FEZ2: variants seen among roughly 807,000 people sequenced by gnomAD.
The protein encoded by FEZ2 is fasciculation and elongation protein zeta 2, also known as fasciculation and elongation protein zeta-2.
In FEZ2, 51 loss-of-function variants were observed where a neutral mutation model predicts 40.4. The observed-to-expected ratio is 1.26, with a 90% confidence interval of 1.01 to 1.59. The LOEUF is 1.59. Ranked by LOEUF, FEZ2 falls within the 40% of genes most tolerant of loss-of-function variation. The probability of loss-of-function intolerance (pLI) is 0.00; values close to 1 mark genes in which losing one functional copy is unlikely to be tolerated. For missense variants in FEZ2, 640 were observed against 438.3 expected (o/e 1.46, Z -4.11); for synonymous variants, 242 against 172.0 (o/e 1.41, Z -3.18).
intron 1 of FEZ2, 60 bp from the exon 2 acceptor site, chr2:36,591,071 A>G: frequency 2.0e-6 from 2 of 1,012,628 alleles, no homozygotes; most frequent in Non-Finnish European, 3.1e-6. Flanking sequence ...TTTCTTAAAC[A>G]AATATTCAGT....
At chr2:36,586,779 G>A (rs1419306923) in intron 2 of FEZ2, among the ~76,000 whole-genome samples, 1 of 152,098 alleles carries the variant, frequency 6.6e-6, no homozygotes, top group East Asian at 1.9e-4. Context: ...CGTCTCTACA[G>A]AAATATATTT....
At chr2:36,587,249 G>A (rs1463914101) in intron 2 of FEZ2, among the ~76,000 whole-genome samples, 5 of 152,148 alleles carry the variant, frequency 3.3e-5, no homozygotes, top group African/African-American at 9.7e-5. Context: ...TTTCCAGAGA[G>A]AGAGCCAAGT....
At chr2:36,569,900 T>C (rs1469541865) in intron 5 of FEZ2, among the ~76,000 whole-genome samples, 4 of 152,212 alleles carry the variant, frequency 2.6e-5, no homozygotes, top group Admixed American at 2.6e-4. Flanking sequence ...ACTCTTACTC[T>C]AATCTACTCT....
At chr2:36,591,150 T>C (rs574164210) in intron 1 of FEZ2, 139 bp from the exon 2 acceptor site, 1 of 639,706 alleles carries the variant, frequency 1.6e-6, no homozygotes, top group Admixed American at 2.8e-5. Flanking sequence ...CAGAAAAACA[T>C]CAACAAAGTA....
chr2:36,562,839 C>A (rs1179471498), intron 5 of FEZ2, among the ~76,000 whole-genome samples: 1 of 152,090 alleles, frequency 6.6e-6, no homozygotes, highest in Non-Finnish European at 1.5e-5. Flanking sequence ...AATATATTTT[C>A]TTTCAAATGT....
At chr2:36,571,977 T>C (rs565828837) in intron 5 of FEZ2, among the ~76,000 whole-genome samples, 2 of 135,770 alleles carry the variant, frequency 1.5e-5, no homozygotes, top group Non-Finnish European at 3.1e-5. Context: ...ATCGCGCCCC[T>C]GCACTCCAGC....
chr2:36,583,026 G>T lies in FEZ2; in HGVS notation c.492+327C>A, dbSNP rs532619996. 1.1e-4 allele frequency among the ~76,000 whole-genome samples: 17 copies of T among 152,294 alleles called. No individual in the cohort carries two copies. The East Asian group carries it at 2.9e-3, about 26-fold the overall frequency. ...ATAATTTCTACACAGATACTTTACA[G>T]TTTGTCCGTGTTTGGGTAAATCTAA... On this transcript the variant is annotated intron_variant, in intron 3 of 7. Coordinates refer to ENST00000405912, the MANE Select transcript of FEZ2 (RefSeq NM_005102.3).
chr2:36,569,983 T>G (rs1668362091), intron 5 of FEZ2, among the ~76,000 whole-genome samples: 1 of 152,216 alleles, frequency 6.6e-6, no homozygotes, highest in Non-Finnish European at 1.5e-5. Flanking sequence ...TTGTTCCTGA[T>G]AAATCACGAC....
At chr2:36,591,124 AC>A in intron 1 of FEZ2, 113 bp from the exon 2 acceptor site, 1 of 695,620 alleles carries the variant, frequency 1.4e-6, no homozygotes, top group Non-Finnish European at 2.5e-6. Flanking sequence ...AGAAAAACAG[AC>A]AGCACATTGT....
chr2:36,581,758 G>C (rs1384059366), intron 3 of FEZ2, among the ~76,000 whole-genome samples: 1 of 152,146 alleles, frequency 6.6e-6, no homozygotes, highest in Non-Finnish European at 1.5e-5. Flanking sequence ...AGACACACCA[G>C]AGCTAGATCA....
intron 5 of FEZ2, among the ~76,000 whole-genome samples, chr2:36,568,736 A>G (rs536290430): frequency 2.6e-5 from 4 of 152,332 alleles, no homozygotes; most frequent in Admixed American, 6.5e-5. Context: ...GGACGGAGGA[A>G]GAGGGTATTC....
intron 5 of FEZ2, among the ~76,000 whole-genome samples, chr2:36,574,846 C>CA (rs1455488388): frequency 6.6e-6 from 1 of 152,002 alleles, no homozygotes; most frequent in East Asian, 1.9e-4. Context: ...CCAGATGCTG[C>CA]AAAAAAGGAC....
intron 2 of FEZ2, among the ~76,000 whole-genome samples, chr2:36,584,308 T>A (rs897186658): frequency 1.3e-5 from 2 of 152,178 alleles, no homozygotes; most frequent in African/African-American, 4.8e-5. Flanking sequence ...AATTTCTCCC[T>A]CTCCTTACCT....
intron 7 of FEZ2, among the ~76,000 whole-genome samples, chr2:36,553,563 G>A (rs767011183): frequency 9.2e-5 from 14 of 152,266 alleles, no homozygotes; most frequent in East Asian, 1.9e-4. Flanking sequence ...GCAGCCACGC[G>A]TACATTACTT....
At chr2:36,576,852 C>T (rs1459041532) in intron 5 of FEZ2, among the ~76,000 whole-genome samples, 1 of 152,214 alleles carries the variant, frequency 6.6e-6, no homozygotes, top group African/African-American at 2.4e-5. Flanking sequence ...ATGGGAGTTA[C>T]AAAACGAAGC....
At chr2:36,571,978 G>A (rs1367291751) in intron 5 of FEZ2, among the ~76,000 whole-genome samples, 1 of 135,896 alleles carries the variant, frequency 7.4e-6, no homozygotes, top group African/African-American at 2.7e-5. Context: ...TCGCGCCCCT[G>A]CACTCCAGCA....
intron 5 of FEZ2, among the ~76,000 whole-genome samples, chr2:36,574,733 A>G (rs1668513240): frequency 6.6e-6 from 1 of 152,192 alleles, no homozygotes; most frequent in Non-Finnish European, 1.5e-5. Context: ...AAGAAGTGTC[A>G]CCCAAAACAG....
intron 7 of FEZ2, among the ~76,000 whole-genome samples, chr2:36,554,483 C>T (rs1407914533): frequency 6.6e-6 from 1 of 151,910 alleles, no homozygotes; most frequent in African/African-American, 2.4e-5. Context: ...TCTAGAAGAA[C>T]GAACCTCAGA....
At chr2:36,592,092 A>C (rs1669088964) in intron 1 of FEZ2, among the ~76,000 whole-genome samples, 1 of 152,228 alleles carries the variant, frequency 6.6e-6, no homozygotes, top group African/African-American at 2.4e-5. Context: ...GATACGTAAA[A>C]TCAAACACTA....
Sources: gnomAD v4.1 joint callset for allele counts (sites outside exome capture counted in the v4.1 genomes callset) on GRCh38, gnomAD v4.1.1 for gene constraint, MANE v1.5 for transcripts, NCBI Gene and HGNC (gene_info 2026-07-23, HGNC 2026-07-21) for gene names.